Variants in NCALD observed in about 807,000 individuals in gnomAD.
NCALD encodes neurocalcin delta.
NCALD carries 10 observed loss-of-function variants against 18.6 expected under a neutral mutation model. The observed-to-expected ratio is 0.54, with a 90% CI of 0.33 to 0.91. The LOEUF is 0.91. Ranked by LOEUF, NCALD falls within the 40% of genes least tolerant of loss-of-function variation. NCALD has a pLI of 0.03. For missense variants in NCALD, 184 were observed against 247.6 expected (o/e 0.74, Z 1.72); for synonymous variants, 88 against 87.4 (o/e 1.01, Z -0.04).
chr8:101,799,356 G>A (rs1028233643), intron 4 of NCALD, among the ~76,000 whole-genome samples: 1 of 152,116 alleles, frequency 6.6e-6, no homozygotes, highest in African/African-American at 2.4e-5. Flanking sequence ...AAGATACTAT[G>A]AAAAACAATT....
At chr8:101,734,944 G>A (rs4256562) in intron 1 of NCALD, among the ~76,000 whole-genome samples, 77,599 of 152,024 alleles carry the variant, frequency 0.51, 22,305 homozygotes, top group African/African-American at 0.78. Context: ...AGAAAATACT[G>A]ATTTTGGATA....
intron 1 of NCALD, among the ~76,000 whole-genome samples, chr8:101,781,521 C>T (rs1247913402): frequency 6.6e-6 from 1 of 152,172 alleles, no homozygotes; most frequent in Non-Finnish European, 1.5e-5. Flanking sequence ...CAATTGCCAG[C>T]AGCAATAGCA....
intron 1 of NCALD, among the ~76,000 whole-genome samples, chr8:102,042,116 G>C (rs1182944931): frequency 6.6e-6 from 1 of 151,908 alleles, no homozygotes; most frequent in African/African-American, 2.4e-5. Context: ...TGGTGTACTT[G>C]TTATTTGTAT....
At chr8:102,095,243 A>C (rs1825053418) in intron 1 of NCALD, among the ~76,000 whole-genome samples, 1 of 152,028 alleles carries the variant, frequency 6.6e-6, no homozygotes, top group South Asian at 2.1e-4. Flanking sequence ...AGGGTGCGAG[A>C]GATAGAGGGT....
At chr8:101,783,915 T>C (rs972569017) in intron 1 of NCALD, among the ~76,000 whole-genome samples, 2 of 152,214 alleles carry the variant, frequency 1.3e-5, no homozygotes, top group African/African-American at 4.8e-5. Context: ...ATCACAAAAG[T>C]CTATTTAATA....
At chr8:101,840,985 G>A (rs1586612554) in intron 4 of NCALD, among the ~76,000 whole-genome samples, 2 of 152,068 alleles carry the variant, frequency 1.3e-5, no homozygotes, top group East Asian at 3.9e-4. Context: ...CGGTGACTAA[G>A]GCCTTATTAG....
chr8:102,053,488 C>T (rs1040139204), intron 1 of NCALD, among the ~76,000 whole-genome samples: 1 of 152,100 alleles, frequency 6.6e-6, no homozygotes, highest in African/African-American at 2.4e-5. Context: ...CAGCATTTTC[C>T]GTGTGTGATT....
intron 3 of NCALD, among the ~76,000 whole-genome samples, chr8:101,896,044 C>T (rs1586714510): frequency 6.6e-6 from 1 of 151,056 alleles, no homozygotes; most frequent in East Asian, 1.9e-4. Flanking sequence ...CAAAAAAGAG[C>T]CCGCATCGCC....
chr8:101,728,615 TC>T (rs1347212278), intron 1 of NCALD, among the ~76,000 whole-genome samples: 1 of 152,120 alleles, frequency 6.6e-6, no homozygotes, highest in Non-Finnish European at 1.5e-5. Flanking sequence ...GGTCAGAAGA[TC>T]GAGACCATCC....
intron 1 of NCALD, among the ~76,000 whole-genome samples, chr8:101,789,741 A>C (rs895812452): frequency 6.6e-6 from 1 of 152,190 alleles, no homozygotes; most frequent in Non-Finnish European, 1.5e-5. Context: ...TAAACTTGTA[A>C]GATTTAGACA....
intron 3 of NCALD, among the ~76,000 whole-genome samples, chr8:101,903,846 G>A (rs1316229825): frequency 6.6e-6 from 1 of 152,212 alleles, no homozygotes; most frequent in East Asian, 1.9e-4. Context: ...AGACAGAAGG[G>A]TGCCTGGGGT....
intron 4 of NCALD, among the ~76,000 whole-genome samples, chr8:101,817,682 G>A (rs561567299): frequency 6.6e-6 from 1 of 152,122 alleles, no homozygotes; most frequent in Non-Finnish European, 1.5e-5. Context: ...CTAAAGAGAG[G>A]AGTTCAGAGC....
At chr8:101,692,926 CAG>C (rs1403917218) in intron 2 of NCALD, 30 bp from the exon 3 acceptor site, 1 of 1,504,574 alleles carries the variant, frequency 6.6e-7, no homozygotes, top group East Asian at 2.3e-5. Context: ...GGTGGTAAGA[CAG>C]AAAAACAGTA....
At chr8:101,995,768 T>G (rs750581534) in intron 2 of NCALD, among the ~76,000 whole-genome samples, 16 of 152,212 alleles carry the variant, frequency 1.1e-4, no homozygotes, top group Non-Finnish European at 2.2e-4. Flanking sequence ...ATATCACATA[T>G]GTTCTAAATA....
intron 1 of NCALD, among the ~76,000 whole-genome samples, chr8:102,027,358 A>C (rs1457489311): frequency 1.3e-5 from 2 of 152,176 alleles, no homozygotes; most frequent in Non-Finnish European, 2.9e-5. Flanking sequence ...CATCTCTCTC[A>C]AGTTCAAAGT....
chr8:102,024,500 C>G (rs988522578), intron 1 of NCALD, among the ~76,000 whole-genome samples: 13 of 152,198 alleles, frequency 8.5e-5, no homozygotes, highest in Admixed American at 5.9e-4. Context: ...GGGCACTTAT[C>G]AGGGGCAAAT....
At chr8:101,919,403 G>A (rs1818084495) in intron 2 of NCALD, among the ~76,000 whole-genome samples, 2 of 152,134 alleles carry the variant, frequency 1.3e-5, no homozygotes, top group Non-Finnish European at 2.9e-5. Context: ...AGATTTAGAT[G>A]TAAGACCTCA....
exon 4 of NCALD, chr8:101,887,149 G>A (rs188822349): frequency 1.3e-5 from 2 of 152,214 alleles, no homozygotes; most frequent in Admixed American, 1.3e-4. Flanking sequence ...ACAGTATGCA[G>A]TCACTCAGTG....
intron 1 of NCALD, among the ~76,000 whole-genome samples, chr8:101,765,568 T>G (rs1264669580): frequency 6.6e-6 from 1 of 152,234 alleles, no homozygotes; most frequent in Non-Finnish European, 1.5e-5. Context: ...GAATCTTTGT[T>G]CATGCTCAGA....
Sources: allele counts gnomAD v4.1 joint callset (sites outside exome capture counted in the v4.1 genomes callset), GRCh38; gene constraint gnomAD v4.1.1; transcripts MANE v1.5; gene names NCBI Gene and HGNC (gene_info 2026-07-23, HGNC 2026-07-21).